The following SNX29 variants were observed in gnomAD, a reference collection of about 807,000 sequenced individuals.
The protein encoded by SNX29 is sorting nexin-29.
A neutral mutation model predicts 102.1 loss-of-function variants in SNX29; 78 were observed. The ratio of observed to expected loss-of-function variants is 0.76; its 90% CI spans 0.64 to 0.92. The LOEUF (loss-of-function observed/expected upper bound fraction) is 0.92. Among genes scored for constraint, SNX29 ranks in the 40% least tolerant of loss-of-function variants. The pLI, the probability that SNX29 is intolerant of heterozygous loss-of-function variation, is 0.00. For missense variants in SNX29, 1,280 were observed against 1,061.7 expected (o/e 1.21, Z -2.86); for synonymous variants, 580 against 414.5 (o/e 1.40, Z -4.85).
At chr16:12,187,026 T>C (rs1263710431) in intron 13 of SNX29, among the ~76,000 whole-genome samples, 1 of 152,208 alleles carries the variant, frequency 6.6e-6, no homozygotes, top group African/African-American at 2.4e-5. Context: ...AGTCAATCAC[T>C]GGTTAAAGAC....
rs540957533 is a variant in SNX29, at chr16:12,239,942, A to G, written c.1679-37991A>G. ...CCCAAAAATAGCCACTATTGAAGAG[A>G]TTTGAAGTACCTCTTCCCAGTCTTT... On this transcript the variant is annotated intron_variant, in intron 14 of 20. Coordinates refer to ENST00000566228, the MANE Select transcript of SNX29 (RefSeq NM_032167.5). Among the ~76,000 whole-genome samples the G allele has an allele frequency of 3.3e-5, 5 of 152,326 alleles. No individual in the cohort carries two copies. The South Asian group carries it at 8.3e-4, about 25-fold the overall frequency.
rs1321140679 is a variant in SNX29, at chr16:12,096,237, C to A, written c.1402+17322C>A. ...CACTGAATTTTGTGTATTAGCCCTT[C>A]AGTGACTGTCTTAGTGTCTTAGTAA... is the stretch of plus-strand genomic sequence containing the variant. On this transcript the variant is annotated intron_variant, in intron 11 of 20. Transcript: ENST00000566228. This position sits in a 1 kb window ranked among gnomAD's most constrained non-coding sequence, Gnocchi z 4.2. Among the ~76,000 whole-genome samples, 1 of 152,226 alleles carries A rather than the reference C, an allele frequency of 6.6e-6. No individual in the cohort carries two copies. Among genetic ancestry groups the A allele is most frequent in the Non-Finnish European group, 1.5e-5 (1 of 68,040 alleles).
chr16:12,476,423 T>TATATATATATAC (rs1567603481), intron 18 of SNX29, among the ~76,000 whole-genome samples: 16 of 73,998 alleles, frequency 2.2e-4, no homozygotes, highest in East Asian at 7.3e-4. Flanking sequence ...CATATATATA[T>TATATATATATAC]ATATATATAT....
chr16:12,519,027 C>T (rs959259426), intron 19 of SNX29, among the ~76,000 whole-genome samples: 13 of 152,112 alleles, frequency 8.5e-5, no homozygotes, highest in African/African-American at 1.7e-4. Flanking sequence ...GCTGCCAGGA[C>T]GGGGAGCAGG....
intron 20 of SNX29, among the ~76,000 whole-genome samples, chr16:12,527,967 T>C (rs9929012): frequency 6.6e-6 from 1 of 150,450 alleles, no homozygotes; most frequent in African/African-American, 2.4e-5. Flanking sequence ...TGGGACTACA[T>C]GTGCCCACCA....
At chr16:12,226,248 C>T (rs930737284) in intron 14 of SNX29, among the ~76,000 whole-genome samples, 25 of 152,212 alleles carry the variant, frequency 1.6e-4, no homozygotes, top group Admixed American at 1.4e-3. Flanking sequence ...TTTGGGATGT[C>T]GTAACCAGCA....
At chr16:12,015,830 C>T (rs1299842608) in intron 3 of SNX29, among the ~76,000 whole-genome samples, 1 of 151,758 alleles carries the variant, frequency 6.6e-6, no homozygotes, top group East Asian at 1.9e-4. Context: ...AGCCACTGTG[C>T]CCAGCCTCCA....
At chr16:12,023,488 G>A (rs2057091611) in intron 3 of SNX29, among the ~76,000 whole-genome samples, 1 of 150,736 alleles carries the variant, frequency 6.6e-6, no homozygotes, top group Non-Finnish European at 1.5e-5. Context: ...TGAGGTGGGA[G>A]GATCGTTTGA....
chr16:12,540,545 G>T (rs1009333820), intron 20 of SNX29, among the ~76,000 whole-genome samples: 1 of 152,230 alleles, frequency 6.6e-6, no homozygotes, highest in African/African-American at 2.4e-5. Context: ...CTTCCTGGCA[G>T]CCACCCTATG....
chr16:12,368,669 A>G (rs2082573448), intron 16 of SNX29, among the ~76,000 whole-genome samples: 1 of 152,184 alleles, frequency 6.6e-6, no homozygotes, highest in Admixed American at 6.5e-5. Context: ...ACTGATCCTG[A>G]AGGAATAGAA....
chr16:12,237,567 T>G (rs944278066), intron 14 of SNX29, among the ~76,000 whole-genome samples: 1 of 151,880 alleles, frequency 6.6e-6, no homozygotes, highest in African/African-American at 2.4e-5. Context: ...GGTCAGGAGT[T>G]TGAGACCAGA....
At chr16:12,462,593 T>TACACACAC (rs35348415) in intron 18 of SNX29, among the ~76,000 whole-genome samples, 46 of 150,920 alleles carry the variant, frequency 3.0e-4, no homozygotes, top group African/African-American at 1.1e-3. Context: ...GATTTCATTA[T>TACACACAC]ACACACACAC....
intron 14 of SNX29, among the ~76,000 whole-genome samples, chr16:12,211,086 G>A (rs1197723075): frequency 6.6e-6 from 1 of 151,998 alleles, no homozygotes; most frequent in Non-Finnish European, 1.5e-5. Context: ...AAAACCCCTG[G>A]GTGGTTTGGG....
At chr16:12,117,837 T>G (rs1355664936) in intron 11 of SNX29, among the ~76,000 whole-genome samples, 1 of 152,168 alleles carries the variant, frequency 6.6e-6, no homozygotes, top group Non-Finnish European at 1.5e-5. Context: ...GGCTCACAGC[T>G]GTAATCCCAG....
At chr16:12,034,916 C>T (rs574554897) in intron 4 of SNX29, among the ~76,000 whole-genome samples, 1 of 152,082 alleles carries the variant, frequency 6.6e-6, no homozygotes, top group South Asian at 2.1e-4. Context: ...GAGGCTGAGG[C>T]AGGAGAATTC....
chr16:12,457,719 G>A (rs2086600493), intron 18 of SNX29, among the ~76,000 whole-genome samples: 1 of 152,200 alleles, frequency 6.6e-6, no homozygotes, highest in Admixed American at 6.5e-5. Context: ...AAGCCTGCAA[G>A]ATGGAAAAAT....
intron 3 of SNX29, among the ~76,000 whole-genome samples, chr16:12,006,389 C>G (rs2056453595): frequency 6.6e-6 from 1 of 151,492 alleles, no homozygotes; most frequent in Non-Finnish European, 1.5e-5. Flanking sequence ...GTGGCACATG[C>G]CTGTAATCCT....
At chr16:12,149,198 C>A (rs1245392190) in intron 13 of SNX29, among the ~76,000 whole-genome samples, 2 of 152,242 alleles carry the variant, frequency 1.3e-5, no homozygotes, top group African/African-American at 4.8e-5. Context: ...CTGCTGGAGC[C>A]CCAGCCCTGA....
chr16:12,186,593 C>G (rs960564911), intron 13 of SNX29, among the ~76,000 whole-genome samples: 2 of 152,172 alleles, frequency 1.3e-5, no homozygotes, highest in African/African-American at 4.8e-5. Flanking sequence ...CCAATTTAAC[C>G]TTTCATGGCT....
Sources: allele counts gnomAD v4.1 joint callset (sites outside exome capture counted in the v4.1 genomes callset), GRCh38; gene constraint gnomAD v4.1.1; non-coding constraint Gnocchi (gnomAD v3.1); transcripts MANE v1.5; gene names NCBI Gene and HGNC (gene_info 2026-07-23, HGNC 2026-07-21).